The following CLVS1 variants were observed in gnomAD, a reference collection of about 807,000 sequenced individuals.
CLVS1 encodes the protein clavesin-1.
CLVS1 carries 10 observed loss-of-function variants against 33.1 expected under a neutral mutation model. The ratio of observed to expected loss-of-function variants is 0.30; its 90% CI spans 0.19 to 0.51. CLVS1 has a LOEUF of 0.51. CLVS1 is among the 20% of genes least tolerant of loss of function. CLVS1 has a pLI of 0.97. For synonymous variants in CLVS1, 163 were observed against 166.1 expected (o/e 0.98, Z 0.14); for missense variants, 343 against 433.4 (o/e 0.79, Z 1.85).
chr8:61,298,465 A>G (rs1345893815), intron 1 of CLVS1, among the ~76,000 whole-genome samples: 1 of 152,190 alleles, frequency 6.6e-6, no homozygotes, highest in Non-Finnish European at 1.5e-5. Flanking sequence ...CTCCGTATCC[A>G]AAGACATATA....
At chr8:61,019,378 G>A in the CLVS1 span, among the ~76,000 whole-genome samples, 2 of 152,064 alleles carry the variant, frequency 1.3e-5, no homozygotes, top group Non-Finnish European at 2.9e-5. Flanking sequence ...CTCCTGGCCT[G>A]GTGTCAGCCA....
the CLVS1 span, among the ~76,000 whole-genome samples, chr8:60,986,049 C>T: frequency 1.3e-5 from 2 of 152,162 alleles, no homozygotes; most frequent in Non-Finnish European, 2.9e-5. Flanking sequence ...TGATAGGGAC[C>T]ATCCTGAATA....
intron 1 of CLVS1, among the ~76,000 whole-genome samples, chr8:61,121,797 T>G (rs1282511495): frequency 4.0e-5 from 6 of 148,574 alleles, no homozygotes; most frequent in Admixed American, 3.9e-4. Context: ...TGGATGTACA[T>G]TCTATGGCTC....
chr8:60,975,451 C>T, the CLVS1 span, among the ~76,000 whole-genome samples: 22 of 152,104 alleles, frequency 1.4e-4, no homozygotes, highest in African/African-American at 4.3e-4. Flanking sequence ...CCCTATCAGT[C>T]AGAGACTGGA....
chr8:61,455,492 T>C (rs1413892353), intron 4 of CLVS1, among the ~76,000 whole-genome samples: 4 of 152,184 alleles, frequency 2.6e-5, no homozygotes, highest in African/African-American at 9.7e-5. Flanking sequence ...TTTTTGTTAA[T>C]ATAATTGTTC....
intron 1 of CLVS1, among the ~76,000 whole-genome samples, chr8:61,081,777 A>AT (rs1255417113): frequency 2.0e-5 from 3 of 152,132 alleles, no homozygotes; most frequent in South Asian, 2.1e-4. Context: ...AGGACAAACC[A>AT]TTTTTTCCCA....
At chr8:61,173,087 C>G (rs970450338) in intron 2 of CLVS1, among the ~76,000 whole-genome samples, 4 of 152,092 alleles carry the variant, frequency 2.6e-5, no homozygotes, top group Non-Finnish European at 4.4e-5. Context: ...GCATTCAGTA[C>G]TTTCCCTCTA....
At chr8:60,985,516 G>A in the CLVS1 span, among the ~76,000 whole-genome samples, 6 of 152,086 alleles carry the variant, frequency 3.9e-5, no homozygotes, top group Admixed American at 3.9e-4. Flanking sequence ...CTGTCATCTT[G>A]ACTCTGTGCA....
intron 2 of CLVS1, among the ~76,000 whole-genome samples, chr8:61,280,956 C>T (rs1293304002): frequency 6.6e-6 from 1 of 152,180 alleles, no homozygotes; most frequent in Non-Finnish European, 1.5e-5. Context: ...TGCACATACA[C>T]ATCTTCATAG....
At chr8:61,132,654 C>G (rs1334429886) in intron 2 of CLVS1, among the ~76,000 whole-genome samples, 1 of 152,202 alleles carries the variant, frequency 6.6e-6, no homozygotes. Flanking sequence ...TACTAGAGAA[C>G]AGCCTGTCTC....
chr8:61,271,483 T>C (rs1238991459), intron 2 of CLVS1, among the ~76,000 whole-genome samples: 3 of 148,814 alleles, frequency 2.0e-5, no homozygotes, highest in African/African-American at 7.5e-5. Flanking sequence ...GAAAAAAATG[T>C]ATATTCTGTT....
At chr8:61,397,251 A>T (rs1342919795) in intron 3 of CLVS1, among the ~76,000 whole-genome samples, 1 of 152,100 alleles carries the variant, frequency 6.6e-6, no homozygotes, top group Non-Finnish European at 1.5e-5. Context: ...ATTTGTTGAT[A>T]TGAAACAGTA....
chr8:61,276,416 T>C (rs1026404890), intron 2 of CLVS1, among the ~76,000 whole-genome samples: 2 of 152,240 alleles, frequency 1.3e-5, no homozygotes, highest in Admixed American at 1.3e-4. Flanking sequence ...GTATATGAGT[T>C]AGAAAGATTG....
chr8:61,226,489 T>C (rs1808332274), intron 2 of CLVS1, among the ~76,000 whole-genome samples: 1 of 152,198 alleles, frequency 6.6e-6, no homozygotes, highest in South Asian at 2.1e-4. Flanking sequence ...CTTAAAACTA[T>C]AAGGTATTTT....
intron 2 of CLVS1, among the ~76,000 whole-genome samples, chr8:61,365,420 G>A (rs370189834): frequency 1.2e-3 from 177 of 152,138 alleles, no homozygotes; most frequent in African/African-American, 3.6e-3. Flanking sequence ...CCGGCTACTC[G>A]GGAGGCTGAG....
At chr8:61,291,378 ATGT>A (rs1446507793) in intron 1 of CLVS1, among the ~76,000 whole-genome samples, 2 of 152,162 alleles carry the variant, frequency 1.3e-5, no homozygotes, top group Non-Finnish European at 2.9e-5. Flanking sequence ...CTGTTCCTAA[ATGT>A]TGTGCAGACC....
intron 2 of CLVS1, among the ~76,000 whole-genome samples, chr8:61,254,336 G>T (rs1161358573): frequency 2.6e-5 from 4 of 152,308 alleles, no homozygotes. Context: ...CCCTACTGGG[G>T]GGTGCCTCCC....
intron 2 of CLVS1, among the ~76,000 whole-genome samples, chr8:61,329,971 T>A (rs1200854254): frequency 1.3e-5 from 2 of 152,132 alleles, no homozygotes; most frequent in African/African-American, 4.8e-5. Flanking sequence ...CCTTTAGCTT[T>A]CCCCTAGCCT....
At chr8:60,966,399 G>T in the CLVS1 span, 45 of 456,048 alleles carry the variant, frequency 9.9e-5, no homozygotes, top group African/African-American at 8.2e-4. Flanking sequence ...CTCAGCTGTG[G>T]TCCCAGTGCT....
Sources: gnomAD v4.1 joint callset for allele counts (sites outside exome capture counted in the v4.1 genomes callset) on GRCh38, gnomAD v4.1.1 for gene constraint, MANE v1.5 for transcripts, NCBI Gene and HGNC (gene_info 2026-07-23, HGNC 2026-07-21) for gene names.